CSMD1: variants seen among roughly 807,000 people sequenced by gnomAD.
The protein encoded by CSMD1 is CUB and Sushi multiple domains 1.
In CSMD1, 213 loss-of-function variants were observed where a neutral mutation model predicts 417.5. The observed-to-expected ratio is 0.51, with a 90% CI of 0.46 to 0.57. CSMD1 has a LOEUF of 0.57. CSMD1 is among the 20% of genes least tolerant of loss of function. CSMD1 has a pLI of 0.00. For missense variants in CSMD1, 6,923 were observed against 4,529.7 expected, an observed-to-expected ratio of 1.53 and a Z score of -15.17; for synonymous variants, 2,862 against 1,736.8, an observed-to-expected ratio of 1.65 and a Z score of -16.11.
intron 30 of CSMD1, among the ~76,000 whole-genome samples, chr8:3,206,157 A>C (rs1386102631): frequency 6.6e-6 from 1 of 151,550 alleles, no homozygotes; most frequent in East Asian, 1.9e-4. Flanking sequence ...CTATGAGTTC[A>C]ATTTAAAACT....
intron 3 of CSMD1, among the ~76,000 whole-genome samples, chr8:4,086,368 G>C (rs1233466000): frequency 6.6e-6 from 1 of 152,110 alleles, no homozygotes; most frequent in Non-Finnish European, 1.5e-5. Context: ...CTTGAAATTT[G>C]AAAGCAAAAC....
In CSMD1 at chr8:4,212,807, C is replaced by T. The variant is rs73184125; in HGVS notation, c.416-180708G>A. On this transcript the variant is annotated intron_variant, in intron 3 of 69. Transcript: ENST00000635120. ...CTATTGAACAATCTCATTGCTTTTACCAGCCAGTTCATGGACTGGCATTTG... is the reference window on the plus strand; with the variant it reads ...CTATTGAACAATCTCATTGCTTTTATCAGCCAGTTCATGGACTGGCATTTG... Among the ~76,000 whole-genome samples the T allele has an allele frequency of 7.3e-3, 982 of 134,570 alleles. 10 individuals are homozygous for T. The highest frequency in any genetic ancestry group is 0.016 in the Middle Eastern group (4 of 244). 88.3% of individuals were successfully genotyped at this position (134,570 alleles called of 152,430 possible). A position where few individuals can be genotyped will look rare whatever the true frequency, so the allele number is the denominator to read the frequency against.
chr8:3,318,757 G>A (rs909333715), intron 23 of CSMD1, among the ~76,000 whole-genome samples: 4 of 152,070 alleles, frequency 2.6e-5, no homozygotes, highest in African/African-American at 7.2e-5. Context: ...CTTCTGCAGG[G>A]TTTCTGTGGA....
chr8:3,935,681 C>A (rs1352846123), intron 5 of CSMD1, among the ~76,000 whole-genome samples: 1 of 152,146 alleles, frequency 6.6e-6, no homozygotes, highest in South Asian at 2.1e-4. Flanking sequence ...TGTGTTCTGA[C>A]TGCTCCACTG....
intron 10 of CSMD1, among the ~76,000 whole-genome samples, chr8:3,572,031 G>A (rs1014555623): frequency 2.0e-5 from 3 of 152,144 alleles, no homozygotes; most frequent in Admixed American, 2.0e-4. Flanking sequence ...CGAAAGAAGG[G>A]GATGGAAAGA....
intron 23 of CSMD1, among the ~76,000 whole-genome samples, chr8:3,340,595 A>G (rs1017154239): frequency 6.6e-6 from 1 of 152,274 alleles, no homozygotes; most frequent in African/African-American, 2.4e-5. Context: ...TGCGTAAAAT[A>G]TTTTATCTAA....
chr8:3,610,965 G>C (rs1181405305), intron 8 of CSMD1, among the ~76,000 whole-genome samples: 2 of 151,490 alleles, frequency 1.3e-5, no homozygotes, highest in Non-Finnish European at 2.9e-5. Context: ...GGCAGTAGGA[G>C]AGAAAAGGTG....
At chr8:3,982,739 T>G (rs992371314) in intron 5 of CSMD1, among the ~76,000 whole-genome samples, 6 of 152,052 alleles carry the variant, frequency 3.9e-5, no homozygotes, top group Non-Finnish European at 8.8e-5. Flanking sequence ...TGTAGGAGGC[T>G]TAACGTGGAA....
At chr8:4,402,906 G>A (rs1422754263) in intron 3 of CSMD1, among the ~76,000 whole-genome samples, 1 of 133,420 alleles carries the variant, frequency 7.5e-6, no homozygotes, top group African/African-American at 2.8e-5. Flanking sequence ...TGCCAGCTCC[G>A]CCTCCTGGGT....
intron 23 of CSMD1, among the ~76,000 whole-genome samples, chr8:3,333,333 G>A (rs937668836): frequency 6.6e-6 from 1 of 151,894 alleles, no homozygotes; most frequent in African/African-American, 2.4e-5. Flanking sequence ...TTGTTACAGA[G>A]CAATAGAAAA....
intron 3 of CSMD1, among the ~76,000 whole-genome samples, chr8:4,310,002 G>C (rs1014350305): frequency 5.9e-5 from 9 of 152,138 alleles, no homozygotes; most frequent in Non-Finnish European, 1.0e-4. Flanking sequence ...AAGGAGTTTG[G>C]AAAACACGCT....
At chr8:3,367,889 G>C (rs1360057921) in intron 19 of CSMD1, among the ~76,000 whole-genome samples, 2 of 152,186 alleles carry the variant, frequency 1.3e-5, no homozygotes, top group African/African-American at 2.4e-5. Flanking sequence ...ATTTGTCCCA[G>C]AGGGACAAAG....
At chr8:4,575,657 G>T (rs79314559) in intron 2 of CSMD1, among the ~76,000 whole-genome samples, 3,230 of 152,206 alleles carry the variant, frequency 0.021, 50 homozygotes, top group Middle Eastern at 0.048. Context: ...CTATACAAAG[G>T]AATAAAATTG....
intron 57 of CSMD1, among the ~76,000 whole-genome samples, chr8:2,967,104 T>C (rs963560135): frequency 7.2e-5 from 11 of 152,232 alleles, no homozygotes; most frequent in Admixed American, 2.0e-4. Flanking sequence ...GTGACAGAAT[T>C]GTTGTGATTT....
At chr8:3,787,392 G>A (rs544416827) in intron 5 of CSMD1, among the ~76,000 whole-genome samples, 2 of 152,082 alleles carry the variant, frequency 1.3e-5, no homozygotes, top group South Asian at 2.1e-4. Context: ...CAGATAACCA[G>A]GATTCTCCTG....
intron 1 of CSMD1, among the ~76,000 whole-genome samples, chr8:4,641,354 C>CAG (rs1457513620): frequency 6.6e-6 from 1 of 152,034 alleles, no homozygotes; most frequent in Non-Finnish European, 1.5e-5. Context: ...ATAGAAGAAT[C>CAG]AGAGAGTTAG....
chr8:3,640,149 T>A (rs1353293395), intron 7 of CSMD1, among the ~76,000 whole-genome samples: 1 of 152,328 alleles, frequency 6.6e-6, no homozygotes, highest in Admixed American at 6.5e-5. Context: ...GCGTAAGACT[T>A]CGCTCTGAGA....
chr8:4,535,965 ATTAT>A (rs1797081600), intron 2 of CSMD1, among the ~76,000 whole-genome samples: 1 of 151,464 alleles, frequency 6.6e-6, no homozygotes, highest in Admixed American at 6.7e-5. Flanking sequence ...TGTTGATGTA[ATTAT>A]TTGTTTTATC....
intron 3 of CSMD1, among the ~76,000 whole-genome samples, chr8:4,348,935 CCAGA>C (rs1483410472): frequency 6.6e-6 from 1 of 152,220 alleles, no homozygotes; most frequent in South Asian, 2.1e-4. Flanking sequence ...TGTTCCTTAA[CCAGA>C]CAGTGCCCTC....
Sources: gnomAD v4.1 joint callset for allele counts (sites outside exome capture counted in the v4.1 genomes callset) on GRCh38, gnomAD v4.1.1 for gene constraint, MANE v1.5 for transcripts, NCBI Gene and HGNC (gene_info 2026-07-23, HGNC 2026-07-21) for gene names.